The following FLOT2 variants were observed in gnomAD, a reference collection of about 807,000 sequenced individuals.
FLOT2 encodes flotillin-2.
FLOT2 carries 35 observed loss-of-function variants against 54.9 expected under a neutral mutation model. The ratio of observed to expected loss-of-function variants is 0.64; its 90% CI spans 0.49 to 0.84. FLOT2 has a LOEUF of 0.84. Ranked by LOEUF, FLOT2 falls within the 40% of genes least tolerant of loss-of-function variation. The pLI is 0.00. For missense variants in FLOT2, 464 were observed against 572.1 expected, an observed-to-expected ratio of 0.81 and a Z score of 1.93; for synonymous variants, 207 against 228.9, an observed-to-expected ratio of 0.90 and a Z score of 0.86.
Position 28,879,568 on chromosome 17 carries a change from C to T in FLOT2, c.*993G>A. On this transcript the variant is annotated 3_prime_UTR_variant, in exon 11 of 11. Coordinates refer to ENST00000394908, the MANE Select transcript of FLOT2 (RefSeq NM_004475.3). ...AGCAAGGAGACAGAGGATTGGGTTG[C>T]TTCCCCATGGCTGGAACCCCATCAC... is the stretch of plus-strand genomic sequence containing the variant. 1 of 985,948 alleles carries T rather than the reference C, an allele frequency of 1.0e-6. No homozygotes were observed. The allele number at this position is 985,948 out of a possible 1,614,324, so 61.1% of individuals were successfully genotyped here.
Position 28,880,838 on chromosome 17 carries a change from G to C in FLOT2, c.1123C>G (p.Leu375Val). The change falls in exon 10 of 11, where the codon CTT (leucine) becomes GTT (valine). Residue 375 changes from leucine (L) to valine (V), a missense_variant. Leu to Val is a conservative substitution (Grantham distance 32). Coordinates refer to ENST00000394908, the MANE Select transcript of FLOT2 (RefSeq NM_004475.3). ...ACCACAATCTCATCGACCTTGGTAAGTGGGGCAGCGATTTTGGCAGCAATC... is the reference window on the plus strand; with the variant it reads ...ACCACAATCTCATCGACCTTGGTAACTGGGGCAGCGATTTTGGCAGCAATC... ...PQIAAKIAAPLTKVDEIVVLS... is the reference protein window; with the variant it reads ...PQIAAKIAAPVTKVDEIVVLS... 2 of 1,614,138 alleles carry C rather than the reference G, an allele frequency of 1.2e-6. No individual in the cohort carries two copies. The highest frequency in any genetic ancestry group is 2.2e-5 in the South Asian group (2 of 91,088).
In FLOT2 at chr17:28,881,292, A is replaced by G; in HGVS notation, c.998T>C (p.Met333Thr). The change falls in exon 9 of 11, where the codon ATG (methionine) becomes ACG (threonine). Residue 333 changes from methionine to threonine, a missense_variant. Transcript: ENST00000394908. ...CATCCGCTCAGCCTCTGCCTTGCCCATCGCCTCGATGACTGCCGCTTCCGC... is the reference window on the plus strand; with the variant it reads ...CATCCGCTCAGCCTCTGCCTTGCCCGTCGCCTCGATGACTGCCGCTTCCGC... ...GEAEAAVIEAMGKAEAERMKL... is the reference protein window; with the variant it reads ...GEAEAAVIEATGKAEAERMKL... 4 of 1,614,104 alleles carry G rather than the reference A, an allele frequency of 2.5e-6. No homozygotes were observed. Among genetic ancestry groups the G allele is most frequent in the Non-Finnish European group, 3.4e-6 (4 of 1,180,002 alleles).
chr17:28,881,273 C>T lies in FLOT2; in HGVS notation c.1017G>A (p.Glu339=), dbSNP rs2039442508. 1 of 1,614,042 alleles carries T rather than the reference C, an allele frequency of 6.2e-7. No individual in the cohort carries two copies. Residue 339 remains glutamate (E), a synonymous_variant, in exon 9 of 11, where the codon GAG becomes GAA. Transcript: ENST00000394908. ...VIEAMGKAEA[E]RMKLKAEAYQ... is the part of the protein sequence containing the mutation. ...AGGCTTCTGCCTTGAGCTTCATCCG[C>T]TCAGCCTCTGCCTTGCCCATCGCCT...
In FLOT2 at chr17:28,879,835, A is replaced by G. The variant is rs1463544760; in HGVS notation, c.*726T>C. Reference sequence around the variant, plus strand: ...CCCCAGCAGGAACATGCCCATGAAGAGGCCTTCCCTGAGCACAAGCAGGGG... The same window carrying G: ...CCCCAGCAGGAACATGCCCATGAAGGGGCCTTCCCTGAGCACAAGCAGGGG... On this transcript the variant is annotated 3_prime_UTR_variant, in exon 11 of 11. Transcript: ENST00000394908. 4 of 985,930 alleles carry G rather than the reference A, an allele frequency of 4.1e-6. No homozygotes were observed. The highest frequency in any genetic ancestry group is 1.2e-4 in the Admixed American group (2 of 16,272). The allele number at this position is 985,930 out of a possible 1,614,324, so 61.1% of individuals were successfully genotyped here.
rs773440693 is a variant in FLOT2, at chr17:28,884,106, G to C, written c.222+119C>G. On this transcript the variant is annotated intron_variant, in intron 3 of 10. Transcript: ENST00000394908. The surrounding 1 kb of genome is among the most constrained non-coding windows in gnomAD (Gnocchi z 5.1). ...ACTAGCCCTCTCTTGTGGGACTTGC[G>C]GGGGCTGGGGTGCTGGAGAGAGACT... 1.7e-5 allele frequency: 13 copies of C among 783,188 alleles called. No homozygotes were observed. The highest frequency in any genetic ancestry group is 2.7e-5 in the Non-Finnish European group (12 of 451,112). The allele number at this position is 783,188 out of a possible 1,614,324, so 48.5% of individuals were successfully genotyped here.
chr17:28,896,828 G>A (rs2039749391), intron 1 of FLOT2, among the ~76,000 whole-genome samples: 1 of 152,138 alleles, frequency 6.6e-6, no homozygotes, highest in Non-Finnish European at 1.5e-5. Flanking sequence ...CAAGGTGTCA[G>A]CCGCTTCTCA....
In FLOT2 at chr17:28,880,303, A is replaced by C. The variant is rs1206795267; in HGVS notation, c.*258T>G. On this transcript the variant is annotated 3_prime_UTR_variant, in exon 11 of 11. Transcript: ENST00000394908. ...GCATGGGGGAAAGAAAAAGACAGAC[A>C]AAGGAAAAGACACGCAGGGAGATGA... 1.5e-6 allele frequency: 2 copies of C among 1,366,686 alleles called. No individual in the cohort carries two copies. The highest frequency in any genetic ancestry group is 1.9e-6 in the Non-Finnish European group (2 of 1,061,082). 84.7% of individuals were successfully genotyped at this position (1,366,686 alleles called of 1,614,324 possible).
rs1220964677 is a variant in FLOT2, at chr17:28,879,755, C to T, written c.*806G>A. 1 of 985,990 alleles carries T rather than the reference C, an allele frequency of 1.0e-6. No homozygotes were observed. Among genetic ancestry groups the T allele is most frequent in the Admixed American group, 6.1e-5 (1 of 16,276 alleles). The allele number at this position is 985,990 out of a possible 1,614,324, so 61.1% of individuals were successfully genotyped here. On this transcript the variant is annotated 3_prime_UTR_variant, in exon 11 of 11. Coordinates refer to ENST00000394908, the MANE Select transcript of FLOT2 (RefSeq NM_004475.3). Reference sequence around the variant, plus strand: ...GGTCTACACACTTTTCTGTCCCCAACAGGGCTAGACCCTCATCTCAGAAAA... The same window carrying T: ...GGTCTACACACTTTTCTGTCCCCAATAGGGCTAGACCCTCATCTCAGAAAA...
At chr17:28,890,049 G>T (rs554099233) in intron 1 of FLOT2, among the ~76,000 whole-genome samples, 43 of 152,302 alleles carry the variant, frequency 2.8e-4, no homozygotes, top group Non-Finnish European at 4.3e-4. Context: ...ACACTGGGGG[G>T]CTGGGAGGGA....
chr17:28,895,504 C>T (rs1462395651), intron 1 of FLOT2, among the ~76,000 whole-genome samples: 1 of 152,044 alleles, frequency 6.6e-6, no homozygotes, highest in African/African-American at 2.4e-5. Context: ...CTCAGTTGAT[C>T]CTCCCATCTC....
At chr17:28,892,967 CT>C (rs1396246302) in intron 1 of FLOT2, 1 of 152,278 alleles carries the variant, frequency 6.6e-6, no homozygotes, top group Non-Finnish European at 1.5e-5. Flanking sequence ...TTACCTTTAA[CT>C]TATTCTTTGG....
chr17:28,886,856 C>T (rs1027687967), intron 2 of FLOT2, among the ~76,000 whole-genome samples: 4 of 152,196 alleles, frequency 2.6e-5, no homozygotes, highest in Admixed American at 6.5e-5. Context: ...GGGCCACCCC[C>T]ACAGTGCCAG....
At position 28,883,373 on chromosome 17, in the gene FLOT2, T is replaced by C; in HGVS notation, c.223-142A>G. 3 of 1,011,718 alleles carry C rather than the reference T, an allele frequency of 3.0e-6. No homozygotes were observed. Among genetic ancestry groups the C allele is most frequent in the Non-Finnish European group, 4.4e-6 (3 of 678,774 alleles). The allele number at this position is 1,011,718 out of a possible 1,614,324, so 62.7% of individuals were successfully genotyped here. ...AGGCCCTGGGGGGCTGGAATCTGTC[T>C]GAAGCCTCTAGTGGGGAGACAGCAG... On this transcript the variant is annotated intron_variant, in intron 3 of 10. Coordinates refer to ENST00000394908, the MANE Select transcript of FLOT2 (RefSeq NM_004475.3). The surrounding 1 kb of genome is among the most constrained non-coding windows in gnomAD (Gnocchi z 5.0).
chr17:28,880,525 C>T lies in FLOT2; in HGVS notation c.*36G>A, dbSNP rs769184239. 1.5e-5 allele frequency: 24 copies of T among 1,606,804 alleles called. No individual in the cohort carries two copies. The Middle Eastern group carries it at 5.1e-4, about 34-fold the overall frequency. On this transcript the variant is annotated 3_prime_UTR_variant, in exon 11 of 11. Transcript: ENST00000394908. ...TTAAAACGGGTGCTGGAGGGAGGGC[C>T]GGGTGGCTGCTGAAGAGAGTGGGCC...
Position 28,880,767 on chromosome 17 carries a change from C to T in FLOT2, c.1194G>A (p.Leu398=). The T allele has an allele frequency of 1.9e-6, 3 of 1,614,238 alleles. No individual in the cohort carries two copies. The highest frequency in any genetic ancestry group is 2.5e-6 in the Non-Finnish European group (3 of 1,180,048). ...NSKVTSEVNR[L]LAELPASVHA... is the part of the protein sequence containing the mutation. Reference sequence around the variant, plus strand: ...GCACAGAGGCAGGCAGCTCGGCCAGCAGTCGGTTCACTTCTGATGTGACCT... The same window carrying T: ...GCACAGAGGCAGGCAGCTCGGCCAGTAGTCGGTTCACTTCTGATGTGACCT... The change falls in exon 10 of 11, where the codon CTG becomes CTA. Residue 398 remains leucine (L), a synonymous_variant. Transcript: ENST00000394908.
chr17:28,891,067 G>C (rs948143394), intron 1 of FLOT2, among the ~76,000 whole-genome samples: 10 of 151,980 alleles, frequency 6.6e-5, no homozygotes, highest in African/African-American at 2.2e-4. Flanking sequence ...TTTTTGTGGA[G>C]ACAAGGTTTC....
intron 1 of FLOT2, chr17:28,893,014 T>TGGGCAA (rs2039679832): frequency 6.6e-6 from 1 of 152,264 alleles, no homozygotes; most frequent in Non-Finnish European, 1.5e-5. Flanking sequence ...AAGCTGGGCC[T>TGGGCAA]TGGCCAAGGG....
intron 8 of FLOT2, 147 bp from the exon 9 acceptor site, chr17:28,881,522 C>A: frequency 1.2e-6 from 1 of 858,292 alleles, no homozygotes. Context: ...CCTGACCTTC[C>A]GGCTCTGGCC....
In FLOT2 at chr17:28,883,142, C is replaced by T. The variant is rs757875862; in HGVS notation, c.312G>A (p.Leu104=). The part of the protein sequence containing the change: ...KNVQDIKNVV[L]QTLEGHLRSI... ...AGCGCAGATGTCCCTCCAGGGTCTGCAGGACGACGTTTTTGATGTCCTGCA... is the reference window on the plus strand; with the variant it reads ...AGCGCAGATGTCCCTCCAGGGTCTGTAGGACGACGTTTTTGATGTCCTGCA... Residue 104 remains leucine (L), a synonymous_variant, in exon 4 of 11, where the codon CTG becomes CTA. Transcript: ENST00000394908. The surrounding 1 kb of genome is among the most constrained non-coding windows in gnomAD (Gnocchi z 5.0). The T allele has an allele frequency of 1.2e-6, 2 of 1,614,128 alleles. No individual in the cohort carries two copies. The highest frequency in any genetic ancestry group is 1.7e-6 in the Non-Finnish European group (2 of 1,180,008).
Sources: allele counts gnomAD v4.1 joint callset (sites outside exome capture counted in the v4.1 genomes callset), GRCh38; gene constraint gnomAD v4.1.1; non-coding constraint Gnocchi (gnomAD v3.1); transcripts MANE v1.5; gene names NCBI Gene and HGNC (gene_info 2026-07-23, HGNC 2026-07-21).